The following ABI2 variants were observed in gnomAD, a reference collection of about 807,000 sequenced individuals.
The protein encoded by ABI2 is abelson interactor 2.
ABI2 carries 25 observed loss-of-function variants against 59.2 expected under a neutral mutation model. The observed-to-expected ratio is 0.42, with a 90% confidence interval of 0.31 to 0.59. The LOEUF (loss-of-function observed/expected upper bound fraction) is 0.59. ABI2 is among the 20% of genes least tolerant of loss of function. ABI2 has a pLI of 0.14. For synonymous variants in ABI2, 213 were observed against 235.5 expected, an observed-to-expected ratio of 0.90 and a Z score of 0.87; for missense variants, 545 against 681.8, an observed-to-expected ratio of 0.80 and a Z score of 2.23.
At chr2:203,373,503 G>C (rs1333479622) in intron 2 of ABI2, among the ~76,000 whole-genome samples, 2 of 140,770 alleles carry the variant, frequency 1.4e-5, no homozygotes, top group African/African-American at 6.4e-5. Flanking sequence ...GAGAGGGAGA[G>C]GGAGCGGGAG....
intron 2 of ABI2, among the ~76,000 whole-genome samples, chr2:203,368,196 A>G (rs974727647): frequency 6.6e-6 from 1 of 152,120 alleles, no homozygotes; most frequent in African/African-American, 2.4e-5. Context: ...AATCATTCCC[A>G]TATTTTGGGG....
chr2:203,386,239 G>C (rs1192768507), intron 4 of ABI2, among the ~76,000 whole-genome samples: 2 of 152,008 alleles, frequency 1.3e-5, no homozygotes, highest in Non-Finnish European at 2.9e-5. Flanking sequence ...TTCACATACA[G>C]ACACAACCTA....
intron 1 of ABI2, among the ~76,000 whole-genome samples, chr2:203,352,089 A>G (rs964362495): frequency 1.3e-5 from 2 of 152,168 alleles, no homozygotes; most frequent in Admixed American, 1.3e-4. Flanking sequence ...ACACATCACA[A>G]TTTTAAAACT....
At position 203,369,937 on chromosome 2, in the gene ABI2, C is replaced by T. The variant is rs149085022; in HGVS notation, c.285+2893C>T. ...AATTTTTTTTTTTTACTTGTGTTTA[C>T]AGGTAGAATTCTTTATTTAAAAAGT... On this transcript the variant is annotated intron_variant, in intron 2 of 11. Transcript: ENST00000261018. Among the ~76,000 whole-genome samples the T allele has an allele frequency of 3.5e-3, 535 of 151,598 alleles. 5 individuals carry two copies. The highest frequency in any genetic ancestry group is 0.013 in the African/African-American group (518 of 41,300).
At chr2:203,349,955 C>T (rs573824270) in intron 1 of ABI2, among the ~76,000 whole-genome samples, 5 of 152,166 alleles carry the variant, frequency 3.3e-5, no homozygotes, top group South Asian at 4.1e-4. Flanking sequence ...TATATTTAAC[C>T]ATTTGAGGAA....
intron 2 of ABI2, among the ~76,000 whole-genome samples, chr2:203,371,146 T>C (rs1295022305): frequency 1.3e-5 from 2 of 152,242 alleles, no homozygotes; most frequent in African/African-American, 2.4e-5. Context: ...ATTTTTGCGA[T>C]TCTCACAAAT....
At chr2:203,359,749 C>T (rs1041167860) in intron 1 of ABI2, among the ~76,000 whole-genome samples, 3 of 152,118 alleles carry the variant, frequency 2.0e-5, no homozygotes, top group African/African-American at 7.2e-5. Flanking sequence ...TATAAGGGCA[C>T]TAATCCCATT....
chr2:203,365,928 C>T (rs187822044), intron 1 of ABI2, among the ~76,000 whole-genome samples: 3 of 151,800 alleles, frequency 2.0e-5, no homozygotes, highest in East Asian at 1.9e-4. Context: ...CGTGCCCGGC[C>T]GGGGCTGTTA....
chr2:203,383,620 G>C (rs1032930905), intron 4 of ABI2, among the ~76,000 whole-genome samples: 2 of 152,024 alleles, frequency 1.3e-5, no homozygotes, highest in Non-Finnish European at 1.5e-5. Context: ...ATGTTCCTGC[G>C]TCAGGATCTG....
At chr2:203,339,751 T>A (rs571146262) in intron 1 of ABI2, among the ~76,000 whole-genome samples, 4 of 152,254 alleles carry the variant, frequency 2.6e-5, no homozygotes, top group African/African-American at 9.6e-5. Context: ...TCATGGTAAC[T>A]AAGATATGGA....
intron 9 of ABI2, among the ~76,000 whole-genome samples, chr2:203,408,434 A>AT (rs941955790): frequency 4.6e-5 from 7 of 150,728 alleles, no homozygotes; most frequent in African/African-American, 1.7e-4. Flanking sequence ...AAGTGATGGG[A>AT]TTACAGGCAT....
intron 1 of ABI2, among the ~76,000 whole-genome samples, chr2:203,361,154 C>A (rs542158350): frequency 6.6e-6 from 1 of 152,270 alleles, no homozygotes; most frequent in South Asian, 2.1e-4. Context: ...AGAAAAGTCC[C>A]AGAGAAGTCT....
chr2:203,395,538 T>G, intron 6 of ABI2, 118 bp from the exon 7 acceptor site: 1 of 1,118,126 alleles, frequency 8.9e-7, no homozygotes, highest in Non-Finnish European at 1.2e-6. Flanking sequence ...TATTTTGAAG[T>G]GGTACGCTTT....
rs1170541545 is a variant in ABI2 at position 203,366,756 on chromosome 2, A to G, written c.118-121A>G. 7 of 928,726 alleles carry G rather than the reference A, an allele frequency of 7.5e-6. No individual in the cohort carries two copies. In the African/African-American group the frequency reaches 8.4e-5, roughly 11 times the overall value. 57.5% of individuals were successfully genotyped at this position (928,726 alleles called of 1,614,324 possible). ...TACCAGTAGTTTTCAATTCTGGTGG[A>G]TTAGTTTTTTTACTTTCTGGTGGAC... On this transcript the variant is annotated intron_variant, in intron 1 of 11. Coordinates refer to ENST00000261018, the MANE Select transcript of ABI2 (RefSeq NM_001375670.1).
rs1299733384 is a variant in ABI2, at chr2:203,428,901, A to C, written c.*1549A>C. The C allele has an allele frequency of 6.6e-6, 1 of 152,266 alleles. No individual in the cohort carries two copies. Among genetic ancestry groups the C allele is most frequent in the Non-Finnish European group, 1.5e-5 (1 of 68,062 alleles). 9.4% of individuals were successfully genotyped at this position (152,266 alleles called of 1,614,324 possible). A position where few individuals can be genotyped will look rare whatever the true frequency, so the allele number is the denominator to read the frequency against. ...GAAAAGCAGTAGCTGGATATATTTC[A>C]AATGAGGTTTTGAACAAGTTCAGAA... On this transcript the variant is annotated 3_prime_UTR_variant, in exon 12 of 12. Coordinates refer to ENST00000261018, the MANE Select transcript of ABI2 (RefSeq NM_001375670.1).
At chr2:203,353,910 G>A (rs1377971570) in intron 1 of ABI2, among the ~76,000 whole-genome samples, 1 of 152,136 alleles carries the variant, frequency 6.6e-6, no homozygotes, top group East Asian at 1.9e-4. Flanking sequence ...ATGAGATATG[G>A]TAACTTAGCT....
chr2:203,358,071 T>TGTGTGTG (rs1234117326), intron 1 of ABI2, among the ~76,000 whole-genome samples: 4 of 128,854 alleles, frequency 3.1e-5, no homozygotes, highest in African/African-American at 1.2e-4. Flanking sequence ...CCTGGCCTGT[T>TGTGTGTG]TGTGTGTGTG....
chr2:203,335,467 G>C lies in ABI2; in HGVS notation c.117+6836G>C, dbSNP rs561515124. Among the ~76,000 whole-genome samples the C allele has an allele frequency of 3.9e-4, 60 of 152,130 alleles. 2 individuals are homozygous for C. In the South Asian group the frequency reaches 0.012, roughly 31 times the overall value. On this transcript the variant is annotated intron_variant, in intron 1 of 11. Coordinates refer to ENST00000261018, the MANE Select transcript of ABI2 (RefSeq NM_001375670.1). ...GTTAGAAATGGGATCTCACTATGTTGCTCCGGCTGGTCTTGGAACACCTGG... is the reference window on the plus strand; with the variant it reads ...GTTAGAAATGGGATCTCACTATGTTCCTCCGGCTGGTCTTGGAACACCTGG...
rs774990502 is a variant in ABI2, at chr2:203,394,742, A to C, written c.621A>C (p.Pro207=). Residue 207 remains proline (P), a synonymous_variant, in exon 6 of 12, where the codon CCA becomes CCC. Transcript: ENST00000261018. ...PYRTLEPVRP[P]VVPNDYVPSP... Reference sequence around the variant, plus strand: ...GCACACTGGAGCCAGTGCGTCCTCCAGTGGTACCAAATGATTACGTACCTA... The same window carrying C: ...GCACACTGGAGCCAGTGCGTCCTCCCGTGGTACCAAATGATTACGTACCTA... 10 of 1,613,998 alleles carry C rather than the reference A, an allele frequency of 6.2e-6. No individual in the cohort carries two copies. The highest frequency in any genetic ancestry group is 8.5e-6 in the Non-Finnish European group (10 of 1,180,032).
Sources: gnomAD v4.1 joint callset for allele counts (sites outside exome capture counted in the v4.1 genomes callset) on GRCh38, gnomAD v4.1.1 for gene constraint, MANE v1.5 for transcripts, NCBI Gene and HGNC (gene_info 2026-07-23, HGNC 2026-07-21) for gene names.